RUNX1: variants seen among roughly 807,000 people sequenced by gnomAD.
RUNX1 encodes the protein RUNX family transcription factor 1, also known as runt-related transcription factor 1.
Under a neutral mutation model 42.8 loss-of-function variants are expected in RUNX1, and 19 were observed. The observed-to-expected ratio is 0.44, with a 90% CI of 0.31 to 0.65. RUNX1 has a LOEUF of 0.65. Ranked by LOEUF, RUNX1 falls within the 30% of genes least tolerant of loss-of-function variation. The probability of loss-of-function intolerance (pLI) is 0.07; values close to 1 mark genes in which losing one functional copy is unlikely to be tolerated. For synonymous variants in RUNX1, 271 were observed against 289.4 expected, an observed-to-expected ratio of 0.94 and a Z score of 0.64; for missense variants, 528 against 672.0, an observed-to-expected ratio of 0.79 and a Z score of 2.37.
intron 2 of RUNX1, among the ~76,000 whole-genome samples, chr21:34,967,183 G>A (rs2058725358): frequency 1.3e-5 from 2 of 151,320 alleles, no homozygotes; most frequent in South Asian, 4.2e-4. Context: ...AGCCAGGCAT[G>A]GTGGCAGGCG....
intron 2 of RUNX1, among the ~76,000 whole-genome samples, chr21:35,048,586 C>G (rs1441347761): frequency 6.6e-5 from 10 of 152,222 alleles, no homozygotes; most frequent in Non-Finnish European, 2.9e-5. Context: ...TCGCACTTGA[C>G]AAAGTTCTCA....
At chr21:34,801,242 T>C (rs2056603244) in intron 7 of RUNX1, among the ~76,000 whole-genome samples, 1 of 152,030 alleles carries the variant, frequency 6.6e-6, no homozygotes, top group Non-Finnish European at 1.5e-5. Context: ...TTCAGAACTG[T>C]CATAAAGCCC....
Position 34,792,851 on chromosome 21 carries a change from G to C in RUNX1, c.968-241C>G, listed in dbSNP as rs555637519. Among the ~76,000 whole-genome samples the C allele has an allele frequency of 9.9e-5, 15 of 151,736 alleles. No individual in the cohort carries two copies. The East Asian group carries it at 2.9e-3, about 30-fold the overall frequency. On this transcript the variant is annotated intron_variant, in intron 8 of 8. Coordinates refer to ENST00000675419, the MANE Select transcript of RUNX1 (RefSeq NM_001754.5). This position sits in a 1 kb window ranked among gnomAD's most constrained non-coding sequence, Gnocchi z 6.9. ...CACCCAGGATGCCACCTCCTGAGAT[G>C]ACGAGGATCACCCAGCATGTCACCT...
At chr21:35,012,468 ACT>A (rs2059132655) in intron 2 of RUNX1, among the ~76,000 whole-genome samples, 2 of 152,160 alleles carry the variant, frequency 1.3e-5, no homozygotes, top group Admixed American at 1.3e-4. Flanking sequence ...TTTTTGTATA[ACT>A]CTCAGATATT....
chr21:34,871,133 T>A (rs2146302802), intron 5 of RUNX1, among the ~76,000 whole-genome samples: 1 of 152,234 alleles, frequency 6.6e-6, no homozygotes. Flanking sequence ...CCTGAGCACA[T>A]CTTCCTTTCC....
At chr21:34,915,736 A>T (rs1230078195) in intron 2 of RUNX1, among the ~76,000 whole-genome samples, 1 of 152,212 alleles carries the variant, frequency 6.6e-6, no homozygotes, top group Non-Finnish European at 1.5e-5. Flanking sequence ...GACTCATTTT[A>T]TAATTATCTT....
At chr21:34,960,378 C>A (rs867372680) in intron 2 of RUNX1, among the ~76,000 whole-genome samples, 1 of 152,206 alleles carries the variant, frequency 6.6e-6, no homozygotes, top group African/African-American at 2.4e-5. Context: ...TCCACTCTTA[C>A]CCTTTCCTGC....
At chr21:34,800,738 G>T (rs2056596413) in intron 7 of RUNX1, among the ~76,000 whole-genome samples, 1 of 152,088 alleles carries the variant, frequency 6.6e-6, no homozygotes, top group African/African-American at 2.4e-5. Flanking sequence ...TTCCTCCCCA[G>T]TATTCTCCTG....
intron 2 of RUNX1, among the ~76,000 whole-genome samples, chr21:34,935,079 ATGTTT>A (rs1439075126): frequency 6.6e-6 from 1 of 152,094 alleles, no homozygotes; most frequent in Non-Finnish European, 1.5e-5. Context: ...CCAGTGGTAT[ATGTTT>A]TGAAGAGTGA....
chr21:34,955,908 T>G (rs771572492), intron 2 of RUNX1, among the ~76,000 whole-genome samples: 112 of 152,334 alleles, frequency 7.4e-4, no homozygotes, highest in Non-Finnish European at 1.2e-3. Context: ...TCAACTGCAC[T>G]TCAACCAGGT....
intron 7 of RUNX1, among the ~76,000 whole-genome samples, chr21:34,812,406 C>A (rs1012850747): frequency 6.6e-6 from 1 of 152,178 alleles, no homozygotes; most frequent in African/African-American, 2.4e-5. Flanking sequence ...AAAGGAAACA[C>A]TTGAAGATAA....
chr21:34,835,261 T>C (rs2057128761), intron 6 of RUNX1, among the ~76,000 whole-genome samples: 1 of 152,138 alleles, frequency 6.6e-6, no homozygotes, highest in South Asian at 2.1e-4. Flanking sequence ...GACTCCCCCA[T>C]GTACCCCTAA....
intron 2 of RUNX1, among the ~76,000 whole-genome samples, chr21:34,972,872 CT>C (rs778880525): frequency 1.1e-4 from 17 of 152,162 alleles, no homozygotes; most frequent in Non-Finnish European, 1.8e-4. Context: ...CTCCCTTTGA[CT>C]TTTCTCCCTC....
At position 34,880,547 on chromosome 21, in the gene RUNX1, G is replaced by A; in HGVS notation, c.508+10C>T. The A allele has an allele frequency of 6.2e-7, 1 of 1,613,914 alleles. No individual in the cohort carries two copies. The highest frequency in any genetic ancestry group is 8.5e-7 in the Non-Finnish European group (1 of 1,179,810). ...ACGTGTTTCAAGCATAGTTTTGACA[G>A]ATAACGTACCTCTTCCACTTCGACC... On this transcript the variant is annotated intron_variant, in intron 5 of 8. Transcript: ENST00000675419.
Position 34,791,995 on chromosome 21 carries a change from G to A in RUNX1, c.*140C>T, listed in dbSNP as rs1055314. 4.1e-6 allele frequency: 2 copies of A among 490,060 alleles called. No individual in the cohort carries two copies. The highest frequency in any genetic ancestry group is 7.0e-6 in the Non-Finnish European group (2 of 285,574). The allele number at this position is 490,060 out of a possible 1,614,324, so 30.4% of individuals were successfully genotyped here. On this transcript the variant is annotated 3_prime_UTR_variant, in exon 9 of 9. Coordinates refer to ENST00000675419, the MANE Select transcript of RUNX1 (RefSeq NM_001754.5). ...GGGCCTGACCTACAGCGAGATCCTG[G>A]CCGTCGGGCGCCCTCGGCCCCAGGA...
chr21:34,889,760 C>T (rs1472198572), intron 3 of RUNX1: 3 of 1,155,284 alleles, frequency 2.6e-6, no homozygotes, highest in East Asian at 9.8e-5. Flanking sequence ...CGGAGGGCCC[C>T]GCCCCCGGTC....
chr21:35,022,932 A>AT lies in RUNX1; in HGVS notation c.58+25909dup, dbSNP rs1355761185. 1.1e-4 allele frequency among the ~76,000 whole-genome samples: 16 copies of AT among 149,124 alleles called. No individual in the cohort carries two copies. In the East Asian group the frequency reaches 2.9e-3, roughly 27 times the overall value. On this transcript the variant is annotated intron_variant, in intron 2 of 8. Coordinates refer to ENST00000675419, the MANE Select transcript of RUNX1 (RefSeq NM_001754.5). The stretch of plus-strand genomic sequence containing the variant: ...TAATAATAATAATAAGGCGGAGATT[A>AT]TTTTTTAGTGATTTTGACCTTTTTT...
intron 2 of RUNX1, among the ~76,000 whole-genome samples, chr21:35,008,441 A>G (rs1408625020): frequency 1.3e-5 from 2 of 152,198 alleles, no homozygotes; most frequent in Admixed American, 6.5e-5. Context: ...GGCAAAGACA[A>G]GGGTCAACCT....
chr21:35,000,709 C>T (rs1273217042), intron 2 of RUNX1, among the ~76,000 whole-genome samples: 1 of 152,190 alleles, frequency 6.6e-6, no homozygotes, highest in Non-Finnish European at 1.5e-5. Context: ...ACATTAACTA[C>T]TCTTAATACT....
Sources: gnomAD v4.1 joint callset for allele counts (sites outside exome capture counted in the v4.1 genomes callset) on GRCh38, gnomAD v4.1.1 for gene constraint, Gnocchi (gnomAD v3.1) non-coding constraint, MANE v1.5 for transcripts, NCBI Gene and HGNC (gene_info 2026-07-23, HGNC 2026-07-21) for gene names.